Variants in COL24A1 observed in about 807,000 individuals in gnomAD.
COL24A1 encodes the protein collagen type XXIV alpha 1 chain.
In COL24A1, 224 loss-of-function variants were observed where a neutral mutation model predicts 253.9. That is an observed-to-expected ratio of 0.88 (90% CI 0.79 to 0.99). COL24A1 has a LOEUF of 0.99. Ranked by LOEUF, COL24A1 falls within the 50% of genes least tolerant of loss-of-function variation. The pLI, the probability that COL24A1 is intolerant of heterozygous loss-of-function variation, is 0.00. For missense variants in COL24A1, 2,131 were observed against 2,068.5 expected (o/e 1.03, Z -0.59); for synonymous variants, 685 against 673.7 (o/e 1.02, Z -0.26).
intron 37 of COL24A1, among the ~76,000 whole-genome samples, chr1:85,858,756 C>T (rs1046644117): frequency 1.3e-5 from 2 of 149,002 alleles, no homozygotes; most frequent in Non-Finnish European, 3.0e-5. Context: ...CTTTTCTTTT[C>T]TTTTCGGACG....
At position 85,839,973 on chromosome 1, in the gene COL24A1, G is replaced by A. The variant is rs1439912640; in HGVS notation, c.3627+1249C>T. ...AATTGAAATTAGTTGGAAAAGCATAGGATTTATTATAGAGCATTAATTGAC... is the reference window on the plus strand; with the variant it reads ...AATTGAAATTAGTTGGAAAAGCATAAGATTTATTATAGAGCATTAATTGAC... On this transcript the variant is annotated intron_variant, in intron 42 of 59. Coordinates refer to ENST00000370571, the MANE Select transcript of COL24A1 (RefSeq NM_152890.7). Among the ~76,000 whole-genome samples, 10 of 152,176 alleles carry A rather than the reference G, an allele frequency of 6.6e-5. No homozygotes were observed. The East Asian group carries it at 1.9e-3, about 29-fold the overall frequency.
chr1:85,774,942 A>C (rs942569375), intron 53 of COL24A1, among the ~76,000 whole-genome samples: 1 of 151,974 alleles, frequency 6.6e-6, no homozygotes, highest in Non-Finnish European at 1.5e-5. Flanking sequence ...TTGCTTCTCT[A>C]GTTCTTTTAA....
At chr1:85,892,795 T>G (rs888347273) in intron 31 of COL24A1, among the ~76,000 whole-genome samples, 6 of 152,078 alleles carry the variant, frequency 3.9e-5, no homozygotes, top group African/African-American at 1.4e-4. Context: ...ATACTTATTT[T>G]GTGGCACTTC....
chr1:85,954,798 G>A (rs1690264929), intron 24 of COL24A1, among the ~76,000 whole-genome samples: 1 of 152,080 alleles, frequency 6.6e-6, no homozygotes. Flanking sequence ...AAAACAGGAG[G>A]GGTCGATGAC....
At chr1:85,827,911 C>T (rs1359037071) in intron 43 of COL24A1, among the ~76,000 whole-genome samples, 1 of 151,928 alleles carries the variant, frequency 6.6e-6, no homozygotes, top group African/African-American at 2.4e-5. Context: ...TTTTTTGTGT[C>T]TCTATTTCCT....
chr1:85,933,067 C>A, intron 24 of COL24A1, among the ~76,000 whole-genome samples: 1 of 119,866 alleles, frequency 8.3e-6, no homozygotes, highest in Admixed American at 9.2e-5. Flanking sequence ...TGCACATGTA[C>A]CCTAAAACTT....
intron 7 of COL24A1, among the ~76,000 whole-genome samples, chr1:86,083,685 G>A (rs908013746): frequency 6.6e-6 from 1 of 152,112 alleles, no homozygotes; most frequent in Non-Finnish European, 1.5e-5. Flanking sequence ...AATGATAGGT[G>A]GTTGGAGCCA....
chr1:85,916,943 T>C (rs991213696), intron 24 of COL24A1, among the ~76,000 whole-genome samples: 3 of 152,326 alleles, frequency 2.0e-5, no homozygotes, highest in Non-Finnish European at 2.9e-5. Flanking sequence ...AGGAGACATA[T>C]AGAAAGACGT....
intron 7 of COL24A1, among the ~76,000 whole-genome samples, chr1:86,069,840 G>A (rs1007755219): frequency 1.3e-5 from 2 of 152,186 alleles, no homozygotes; most frequent in African/African-American, 2.4e-5. Flanking sequence ...CACTTGGAAA[G>A]CCTTCCCAAG....
At chr1:86,139,171 AAGG>A (rs1249357730) in intron 2 of COL24A1, among the ~76,000 whole-genome samples, 1 of 34,018 alleles carries the variant, frequency 2.9e-5, no homozygotes, top group Non-Finnish European at 1.3e-4. Flanking sequence ...GATGAGGGAG[AAGG>A]AGAAAGGGGG....
intron 20 of COL24A1, among the ~76,000 whole-genome samples, chr1:85,981,496 T>G (rs1212216138): frequency 6.6e-6 from 1 of 152,050 alleles, no homozygotes; most frequent in Non-Finnish European, 1.5e-5. Flanking sequence ...AAAATCACCT[T>G]AAGATGGATC....
chr1:85,941,765 A>AT (rs532832717), intron 24 of COL24A1, among the ~76,000 whole-genome samples: 254 of 152,178 alleles, frequency 1.7e-3, no homozygotes, highest in Non-Finnish European at 2.9e-3. Flanking sequence ...AGCTTACTTT[A>AT]TTTTTTCATT....
chr1:85,922,354 G>A (rs1686615597), intron 24 of COL24A1, among the ~76,000 whole-genome samples: 1 of 152,078 alleles, frequency 6.6e-6, no homozygotes, highest in African/African-American at 2.4e-5. Context: ...GCAACTCCAA[G>A]ACACACAATT....
At chr1:86,119,460 A>G (rs1706490927) in intron 3 of COL24A1, among the ~76,000 whole-genome samples, 1 of 152,182 alleles carries the variant, frequency 6.6e-6, no homozygotes, top group South Asian at 2.1e-4. Flanking sequence ...GAAGAAGAAC[A>G]TACCTTTTTT....
intron 8 of COL24A1, among the ~76,000 whole-genome samples, chr1:86,062,386 C>T (rs1024988003): frequency 2.7e-5 from 4 of 148,740 alleles, no homozygotes; most frequent in Admixed American, 1.3e-4. Context: ...ATAGTTAACA[C>T]AAATTTTGCC....
chr1:85,870,375 C>T (rs1571000194), intron 35 of COL24A1, among the ~76,000 whole-genome samples: 2 of 152,300 alleles, frequency 1.3e-5, no homozygotes, highest in East Asian at 3.9e-4. Flanking sequence ...ACTTTCCACC[C>T]CAAATCAACA....
chr1:85,838,811 A>G (rs1676295085), intron 42 of COL24A1, among the ~76,000 whole-genome samples, 173 bp from the exon 43 acceptor site: 1 of 152,244 alleles, frequency 6.6e-6, no homozygotes, highest in African/African-American at 2.4e-5. Flanking sequence ...GATACCAAGA[A>G]CAACATCAAA....
intron 20 of COL24A1, among the ~76,000 whole-genome samples, chr1:85,987,022 A>G (rs1693776317): frequency 1.3e-5 from 2 of 151,940 alleles, no homozygotes; most frequent in African/African-American, 4.8e-5. Context: ...ATAGTGTTAA[A>G]TAAAATCTGT....
At chr1:85,914,140 C>T (rs924413234) in intron 24 of COL24A1, among the ~76,000 whole-genome samples, 2 of 152,074 alleles carry the variant, frequency 1.3e-5, no homozygotes, top group African/African-American at 2.4e-5. Context: ...TCATAATACC[C>T]CACCAAGTAC....
Sources: allele counts gnomAD v4.1 joint callset (sites outside exome capture counted in the v4.1 genomes callset), GRCh38; gene constraint gnomAD v4.1.1; transcripts MANE v1.5; gene names NCBI Gene and HGNC (gene_info 2026-07-23, HGNC 2026-07-21).